The following ARMC8 variants were observed in gnomAD, a reference collection of about 807,000 sequenced individuals.
ARMC8 encodes armadillo repeat containing 8, also known as armadillo repeat-containing protein 8.
Under a neutral mutation model 99.3 loss-of-function variants are expected in ARMC8, and 20 were observed. That is an observed-to-expected ratio of 0.20 (90% confidence interval 0.14 to 0.29). ARMC8 has a LOEUF of 0.29. Among genes scored for constraint, ARMC8 ranks in the 10% least tolerant of loss-of-function variants. ARMC8 has a pLI of 1.00. For missense variants in ARMC8, 569 were observed against 809.5 expected, an observed-to-expected ratio of 0.70 and a Z score of 3.60; for synonymous variants, 263 against 278.3, an observed-to-expected ratio of 0.95 and a Z score of 0.55.
At chr3:138,202,109 C>T (rs1344499268) in intron 1 of ARMC8, among the ~76,000 whole-genome samples, 1 of 152,144 alleles carries the variant, frequency 6.6e-6, no homozygotes, top group Non-Finnish European at 1.5e-5. Context: ...TTTCTTTCAT[C>T]TCTCCCCAAA....
At chr3:138,246,691 T>C (rs1559984965) in intron 12 of ARMC8, 2 of 983,496 alleles carry the variant, frequency 2.0e-6, no homozygotes, top group Non-Finnish European at 2.4e-6. Context: ...TTCTTTGTAC[T>C]TTTTTGTTAA....
intron 18 of ARMC8, among the ~76,000 whole-genome samples, chr3:138,277,320 G>GA (rs2049394245): frequency 6.6e-6 from 1 of 152,166 alleles, no homozygotes; most frequent in African/African-American, 2.4e-5. Context: ...AAATGCAGGA[G>GA]AAAATCTTTG....
At chr3:138,258,138 AC>A (rs1430652946) in intron 12 of ARMC8, among the ~76,000 whole-genome samples, 2 of 152,150 alleles carry the variant, frequency 1.3e-5, no homozygotes, top group East Asian at 3.8e-4. Context: ...GAGAGAGCCC[AC>A]TTTGCCACCC....
intron 5 of ARMC8, 50 bp downstream of exon 5, chr3:138,223,783 ACTC>A (rs1466356593): frequency 6.8e-7 from 1 of 1,476,914 alleles, no homozygotes. Flanking sequence ...CCAACAGCCT[ACTC>A]CTAATTTGCT....
At chr3:138,281,685 A>G (rs2049943855) in intron 18 of ARMC8, among the ~76,000 whole-genome samples, 1 of 152,078 alleles carries the variant, frequency 6.6e-6, no homozygotes, top group South Asian at 2.1e-4. Context: ...TCACTTTTTC[A>G]TGCTGTTCAA....
intron 2 of ARMC8, among the ~76,000 whole-genome samples, chr3:138,211,225 G>C (rs1209907695): frequency 1.3e-5 from 2 of 152,118 alleles, no homozygotes; most frequent in Non-Finnish European, 2.9e-5. Context: ...TAACCAGATA[G>C]CTCCGTATAT....
At chr3:138,233,500 G>C (rs1434906942) in intron 6 of ARMC8, among the ~76,000 whole-genome samples, 1 of 152,138 alleles carries the variant, frequency 6.6e-6, no homozygotes, top group East Asian at 1.9e-4. Flanking sequence ...AAACTATGGA[G>C]TACTGTATTG....
intron 2 of ARMC8, among the ~76,000 whole-genome samples, chr3:138,216,521 G>T (rs541420843): frequency 6.6e-6 from 1 of 152,220 alleles, no homozygotes; most frequent in Admixed American, 6.5e-5. Flanking sequence ...TAACAGAAAG[G>T]TTATCATACT....
chr3:138,263,662 A>G, intron 12 of ARMC8, 77 bp from the exon 13 acceptor site: 1 of 1,224,640 alleles, frequency 8.2e-7, no homozygotes. Context: ...AATGGATGTT[A>G]ACATACTTGC....
intron 6 of ARMC8, among the ~76,000 whole-genome samples, chr3:138,231,961 C>CT (rs61298993): frequency 0.78 from 45,429 of 58,510 alleles, 21,616 homozygotes; most frequent in East Asian, 0.85. Context: ...CTTGCAATTG[C>CT]TTTTTTTTTT....
intron 11 of ARMC8, among the ~76,000 whole-genome samples, chr3:138,243,848 G>A (rs1404795419): frequency 1.3e-5 from 2 of 152,158 alleles, no homozygotes; most frequent in African/African-American, 4.8e-5. Context: ...GTCTCAGAAT[G>A]TTATGAACAA....
chr3:138,245,799 G>C, intron 12 of ARMC8: 1 of 986,054 alleles, frequency 1.0e-6, no homozygotes. Context: ...TGTTCTTGAT[G>C]AGAATACTTC....
intron 21 of ARMC8, among the ~76,000 whole-genome samples, chr3:138,292,532 TACTC>T (rs2051064080): frequency 1.3e-5 from 2 of 152,160 alleles, no homozygotes; most frequent in Admixed American, 6.5e-5. Context: ...CAACGGGACT[TACTC>T]ACAGATTCAG....
At chr3:138,255,079 C>T (rs1000647920) in intron 12 of ARMC8, among the ~76,000 whole-genome samples, 5 of 151,584 alleles carry the variant, frequency 3.3e-5, no homozygotes, top group Non-Finnish European at 5.9e-5. Context: ...GAGAAAGGAT[C>T]AAAAAGAGGC....
intron 12 of ARMC8, chr3:138,262,532 C>T (rs781425170): frequency 4.3e-6 from 7 of 1,612,444 alleles, no homozygotes; most frequent in South Asian, 1.1e-5. Flanking sequence ...CTTCTGAATC[C>T]TCTCATTTTA....
At chr3:138,265,342 G>C (rs2048177338) in intron 14 of ARMC8, among the ~76,000 whole-genome samples, 1 of 152,134 alleles carries the variant, frequency 6.6e-6, no homozygotes, top group Admixed American at 6.5e-5. Flanking sequence ...GTTATCCCCT[G>C]ATACACTACA....
rs540350567 is a variant in ARMC8, at chr3:138,272,137, C to T, written c.1480-830C>T. On this transcript the variant is annotated intron_variant, in intron 16 of 21. Transcript: ENST00000469044. Reference sequence around the variant, plus strand: ...CACCCGGGATTACTGGTAGCTCAGACACACCTCCTACCCTCTGGAGAGCTT... The same window carrying T: ...CACCCGGGATTACTGGTAGCTCAGATACACCTCCTACCCTCTGGAGAGCTT... Among the ~76,000 whole-genome samples the T allele has an allele frequency of 2.0e-5, 3 of 152,320 alleles. No homozygotes were observed. The East Asian group carries it at 5.8e-4, about 29-fold the overall frequency.
chr3:138,195,476 C>G (rs2043675340), intron 1 of ARMC8, among the ~76,000 whole-genome samples: 1 of 152,070 alleles, frequency 6.6e-6, no homozygotes, highest in Non-Finnish European at 1.5e-5. Context: ...TTAAACTCTG[C>G]AAAGAATCAG....
chr3:138,246,697 G>T, intron 12 of ARMC8: 6 of 982,996 alleles, frequency 6.1e-6, no homozygotes, highest in Non-Finnish European at 7.2e-6. Flanking sequence ...GTACTTTTTT[G>T]TTAATAAACT....
Sources: allele counts gnomAD v4.1 joint callset (sites outside exome capture counted in the v4.1 genomes callset), GRCh38; gene constraint gnomAD v4.1.1; transcripts MANE v1.5; gene names NCBI Gene and HGNC (gene_info 2026-07-23, HGNC 2026-07-21).